The following THSD7A variants were observed in gnomAD, a reference collection of about 807,000 sequenced individuals.
THSD7A encodes the protein thrombospondin type-1 domain-containing protein 7A.
THSD7A carries 96 observed loss-of-function variants against 231.3 expected under a neutral mutation model. The ratio of observed to expected loss-of-function variants is 0.41; its 90% CI spans 0.35 to 0.49. THSD7A has a LOEUF of 0.49. Ranked by LOEUF, THSD7A falls within the 20% of genes least tolerant of loss-of-function variation. THSD7A has a pLI of 0.05. For synonymous variants in THSD7A, 940 were observed against 743.3 expected (o/e 1.26, Z -4.30); for missense variants, 2,290 against 2,070.2 (o/e 1.11, Z -2.06).
At chr7:11,733,059 G>C (rs1001604893) in intron 1 of THSD7A, among the ~76,000 whole-genome samples, 3 of 151,748 alleles carry the variant, frequency 2.0e-5, no homozygotes, top group East Asian at 1.9e-4. Flanking sequence ...ACAGCCTCTG[G>C]AGATATTTCT....
chr7:11,763,005 C>A (rs530878702), intron 1 of THSD7A, among the ~76,000 whole-genome samples: 3 of 152,204 alleles, frequency 2.0e-5, no homozygotes, highest in South Asian at 2.1e-4. Context: ...CAATCCTAAG[C>A]AAACATAATT....
chr7:11,646,996 G>T (rs933102679), intron 1 of THSD7A, among the ~76,000 whole-genome samples: 2 of 152,024 alleles, frequency 1.3e-5, no homozygotes, highest in Non-Finnish European at 2.9e-5. Context: ...ACCTTCTGAG[G>T]AGATTTATGA....
intron 1 of THSD7A, among the ~76,000 whole-genome samples, chr7:11,766,291 C>T (rs1336757176): frequency 6.6e-6 from 1 of 152,198 alleles, no homozygotes; most frequent in Non-Finnish European, 1.5e-5. Context: ...GCAAAGGTCA[C>T]TCAATCTAGT....
intron 4 of THSD7A, among the ~76,000 whole-genome samples, chr7:11,548,244 C>T (rs1379234049): frequency 1.3e-5 from 2 of 151,926 alleles, no homozygotes; most frequent in Non-Finnish European, 2.9e-5. Context: ...ATGCACACAA[C>T]CTAGAAAACT....
At chr7:11,501,369 C>A (rs890327814) in intron 6 of THSD7A, among the ~76,000 whole-genome samples, 5 of 152,186 alleles carry the variant, frequency 3.3e-5, no homozygotes, top group African/African-American at 4.8e-5. Context: ...AAATTGACCA[C>A]ATAATTGGAC....
intron 11 of THSD7A, among the ~76,000 whole-genome samples, chr7:11,450,965 A>C (rs1322980426): frequency 6.6e-6 from 1 of 152,012 alleles, no homozygotes; most frequent in Non-Finnish European, 1.5e-5. Context: ...TACTTCATTT[A>C]TTTATTGTAT....
At chr7:11,717,074 T>C (rs1427920568) in intron 1 of THSD7A, among the ~76,000 whole-genome samples, 3 of 133,852 alleles carry the variant, frequency 2.2e-5, no homozygotes, top group Non-Finnish European at 3.2e-5. Flanking sequence ...AGTAATGTGA[T>C]AAGAGAGAAA....
In THSD7A at chr7:11,820,573, TC is replaced by T. The variant is rs1294701215; in HGVS notation, c.190+11183del. 6.9e-6 allele frequency: 5 copies of T among 723,282 alleles called. No individual in the cohort carries two copies. In the Admixed American group the frequency reaches 7.2e-5, roughly 10 times the overall value. 44.8% of individuals were successfully genotyped at this position (723,282 alleles called of 1,614,324 possible). A position where few individuals can be genotyped will look rare whatever the true frequency, so the allele number is the denominator to read the frequency against. ...AAATCATTGTTACTCTTGTTATTGT[TC>T]CCAGAGTAGTTGCCTCTGTCCTGGC... On this transcript the variant is annotated intron_variant, in intron 1 of 27. Transcript: ENST00000423059.
chr7:11,800,386 T>G (rs1389739686), intron 1 of THSD7A, among the ~76,000 whole-genome samples: 1 of 151,946 alleles, frequency 6.6e-6, no homozygotes, highest in African/African-American at 2.4e-5. Context: ...CTGTCTCCAC[T>G]AAAAATACAA....
chr7:11,811,291 G>T (rs1784522659), intron 1 of THSD7A, among the ~76,000 whole-genome samples: 1 of 152,054 alleles, frequency 6.6e-6, no homozygotes, highest in Admixed American at 6.6e-5. Flanking sequence ...CTTCAACAAA[G>T]AAAGAATATT....
intron 13 of THSD7A, among the ~76,000 whole-genome samples, chr7:11,439,131 C>A (rs780862762): frequency 6.6e-6 from 1 of 151,860 alleles, no homozygotes; most frequent in African/African-American, 2.4e-5. Flanking sequence ...AAGGACAAAT[C>A]TGAATTGGGC....
In THSD7A at chr7:11,814,887, A is replaced by T. The variant is rs886765381; in HGVS notation, c.190+16870T>A. 1.3e-5 allele frequency among the ~76,000 whole-genome samples: 2 copies of T among 152,060 alleles called. No homozygotes were observed. The highest frequency in any genetic ancestry group is 2.9e-5 in the Non-Finnish European group (2 of 68,014). On this transcript the variant is annotated intron_variant, in intron 1 of 27. Coordinates refer to ENST00000423059, the MANE Select transcript of THSD7A (RefSeq NM_015204.3). The surrounding 1 kb of genome is among the most constrained non-coding windows in gnomAD (Gnocchi z 5.1). ...TTCTGATCTTTGCTGCATTTCTGTG[A>T]TTATCTGTGCCAGCTCATGAGCAGC...
At position 11,474,394 on chromosome 7, in the gene THSD7A, C is replaced by A; in HGVS notation, c.2192G>T (p.Gly731Val). 6.2e-7 allele frequency: 1 copy of A among 1,613,486 alleles called. No individual in the cohort carries two copies. Residue 731 changes from glycine (G) to valine (V), a missense_variant, in exon 8 of 28, where the codon GGC (glycine) becomes GTC (valine). By Grantham distance (109) the Gly-to-Val change is moderately radical (BLOSUM62 -3). Coordinates refer to ENST00000423059, the MANE Select transcript of THSD7A (RefSeq NM_015204.3). This position sits in a 1 kb window ranked among gnomAD's most constrained non-coding sequence, Gnocchi z 4.1. ...TWNGEASCSVGMQTRKVICVR... is the reference protein window; with the variant it reads ...TWNGEASCSVVMQTRKVICVR... ...ACAGATGACTTTTCTTGTCTGCATG[C>A]CGACAGAGCAGGAGGCCTCCCCATT...
intron 6 of THSD7A, among the ~76,000 whole-genome samples, chr7:11,507,379 T>C (rs550322484): frequency 1.3e-5 from 2 of 152,314 alleles, no homozygotes; most frequent in South Asian, 2.1e-4. Context: ...AGTGACTTTA[T>C]ATATTGTTAT....
At chr7:11,670,203 G>T (rs1234730762) in intron 1 of THSD7A, among the ~76,000 whole-genome samples, 1 of 152,106 alleles carries the variant, frequency 6.6e-6, no homozygotes, top group African/African-American at 2.4e-5. Flanking sequence ...ATGGAGAGTG[G>T]GATATAAGAT....
chr7:11,534,346 G>T (rs1162581536), intron 6 of THSD7A, among the ~76,000 whole-genome samples: 3 of 152,162 alleles, frequency 2.0e-5, no homozygotes, highest in Non-Finnish European at 4.4e-5. Flanking sequence ...AAGTGATATT[G>T]TGTGAGTTCA....
At chr7:11,596,961 C>A (rs1780384315) in intron 2 of THSD7A, among the ~76,000 whole-genome samples, 1 of 152,216 alleles carries the variant, frequency 6.6e-6, no homozygotes, top group Non-Finnish European at 1.5e-5. Context: ...TGTCCTACCT[C>A]AGGGGTATAT....
rs1229982810 is a variant in THSD7A, at chr7:11,481,687, T to A, written c.2017+101A>T. On this transcript the variant is annotated intron_variant, in intron 7 of 27. Transcript: ENST00000423059. ...AAATCTTGGATGGCTGAATTTCTGG[T>A]TGTTGACTTTCATAGAATATCATCT... The A allele has an allele frequency of 3.2e-6, 4 of 1,237,304 alleles. No individual in the cohort carries two copies. The East Asian group carries it at 1.0e-4, about 32-fold the overall frequency. The allele number at this position is 1,237,304 out of a possible 1,614,324, so 76.6% of individuals were successfully genotyped here.
chr7:11,406,580 GAGA>G lies in THSD7A; in HGVS notation c.4063-109_4063-107del. 7.9e-7 allele frequency: 1 copy of G among 1,266,248 alleles called. No homozygotes were observed. The highest frequency in any genetic ancestry group is 1.1e-6 in the Non-Finnish European group (1 of 936,590). The allele number at this position is 1,266,248 out of a possible 1,614,324, so 78.4% of individuals were successfully genotyped here. A position where few individuals can be genotyped will look rare whatever the true frequency, so the allele number is the denominator to read the frequency against. On this transcript the variant is annotated intron_variant, in intron 21 of 27. Transcript: ENST00000423059. This position sits in a 1 kb window ranked among gnomAD's most constrained non-coding sequence, Gnocchi z 4.7. The stretch of plus-strand genomic sequence containing the variant: ...ACTGACTTTGATTTATGAACATTTA[GAGA>G]AGGATTTGAAACCCTAGGGAAGAAG...
Sources: allele counts gnomAD v4.1 joint callset (sites outside exome capture counted in the v4.1 genomes callset), GRCh38; gene constraint gnomAD v4.1.1; non-coding constraint Gnocchi (gnomAD v3.1); transcripts MANE v1.5; gene names NCBI Gene and HGNC (gene_info 2026-07-23, HGNC 2026-07-21).